VPS29: variants seen among roughly 807,000 people sequenced by gnomAD.
VPS29 encodes the protein vacuolar protein sorting-associated protein 29.
In VPS29, 2 loss-of-function variants were observed where a neutral mutation model predicts 20.0. The observed-to-expected ratio is 0.10, with a 90% CI of 0.04 to 0.31. VPS29 has a LOEUF of 0.31. Among genes scored for constraint, VPS29 ranks in the 10% least tolerant of loss-of-function variants. VPS29 has a pLI of 1.00. For synonymous variants in VPS29, 81 were observed against 79.3 expected (o/e 1.02, Z -0.12); for missense variants, 120 against 215.3 (o/e 0.56, Z 2.77).
Position 110,492,911 on chromosome 12 carries a change from T to C in VPS29, c.431+85A>G. ...CTGGTATTACAGGCATGAGCCACTG[T>C]GCCCAGCCACATTTCTTTTACGAAA... On this transcript the variant is annotated intron_variant, in intron 3 of 3. Coordinates refer to ENST00000549578, the MANE Select transcript of VPS29 (RefSeq NM_016226.5). The C allele has an allele frequency of 3.2e-6, 4 of 1,262,418 alleles. 1 individual carries two copies. Among genetic ancestry groups the C allele is most frequent in the Middle Eastern group, 1.9e-4 (1 of 5,224 alleles). The allele number at this position is 1,262,418 out of a possible 1,614,324, so 78.2% of individuals were successfully genotyped here.
At position 110,491,930 on chromosome 12, in the gene VPS29, G is replaced by T; in HGVS notation, c.*75C>A. 1 of 1,006,738 alleles carries T rather than the reference G, an allele frequency of 9.9e-7. No individual in the cohort carries two copies. The highest frequency in any genetic ancestry group is 1.5e-6 in the Non-Finnish European group (1 of 648,980). The allele number at this position is 1,006,738 out of a possible 1,614,324, so 62.4% of individuals were successfully genotyped here. Reference sequence around the variant, plus strand: ...ATTATAAAAGTGATACAATTTTGTGGCTCTTAAATGTTTAATTACTTGATT... The same window carrying T: ...ATTATAAAAGTGATACAATTTTGTGTCTCTTAAATGTTTAATTACTTGATT... On this transcript the variant is annotated 3_prime_UTR_variant, in exon 4 of 4. Coordinates refer to ENST00000549578, the MANE Select transcript of VPS29 (RefSeq NM_016226.5).
intron 1 of VPS29, 170 bp from the exon 2 acceptor site, chr12:110,496,373 C>T (rs531568528): frequency 1.4e-4 from 80 of 562,100 alleles, no homozygotes; most frequent in Middle Eastern, 9.9e-4. Context: ...TGAATCTGTA[C>T]GTATTTTTCT....
chr12:110,492,599 T>TTTTATTTATTTA (rs58647450), intron 3 of VPS29, among the ~76,000 whole-genome samples: 4,343 of 132,322 alleles, frequency 0.033, 104 homozygotes, highest in African/African-American at 0.041. Flanking sequence ...TTTATTTTTA[T>TTTTATTTATTTA]TTTATTTATT....
intron 2 of VPS29, 90 bp downstream of exon 2, chr12:110,495,922 C>T: frequency 8.2e-7 from 1 of 1,220,864 alleles, no homozygotes; most frequent in African/African-American, 1.5e-5. Flanking sequence ...AAAACCTTAC[C>T]AGTTGAGAAA....
At chr12:110,500,916 A>G (rs1239418404) in intron 1 of VPS29, among the ~76,000 whole-genome samples, 1 of 152,162 alleles carries the variant, frequency 6.6e-6, no homozygotes, top group Non-Finnish European at 1.5e-5. Flanking sequence ...GCGGTGGCTC[A>G]CGCCTGTAAC....
At chr12:110,498,903 T>C in intron 1 of VPS29, 1 of 904,502 alleles carries the variant, frequency 1.1e-6, no homozygotes, top group Non-Finnish European at 1.3e-6. Context: ...AATCTTGCTT[T>C]GAGAAAAAGG....
intron 3 of VPS29, 31 bp from the exon 4 acceptor site, chr12:110,492,153 T>C: frequency 4.6e-6 from 7 of 1,512,594 alleles, no homozygotes; most frequent in Non-Finnish European, 6.4e-6. Context: ...TGTCAGTGTT[T>C]TGTAGCACAA....
In VPS29 at chr12:110,491,807, T is replaced by A. The variant is rs1360985429; in HGVS notation, c.*198A>T. 1 of 534,988 alleles carries A rather than the reference T, an allele frequency of 1.9e-6. No homozygotes were observed. Among genetic ancestry groups the A allele is most frequent in the Non-Finnish European group, 3.3e-6 (1 of 304,744 alleles). The allele number at this position is 534,988 out of a possible 1,614,324, so 33.1% of individuals were successfully genotyped here. Reference sequence around the variant, plus strand: ...GTGTTGTGGACATTTTTTCATAGAATCCATATACTGTAAACTAAATATATT... The same window carrying A: ...GTGTTGTGGACATTTTTTCATAGAAACCATATACTGTAAACTAAATATATT... On this transcript the variant is annotated 3_prime_UTR_variant, in exon 4 of 4. Transcript: ENST00000549578.
intron 2 of VPS29, among the ~76,000 whole-genome samples, 159 bp from the exon 3 acceptor site, chr12:110,493,390 T>C (rs1310024040): frequency 2.0e-5 from 3 of 151,580 alleles, no homozygotes; most frequent in African/African-American, 7.3e-5. Flanking sequence ...GACAGAGTGT[T>C]GCTATGTTGC....
intron 2 of VPS29, among the ~76,000 whole-genome samples, chr12:110,495,714 AC>A (rs1212094695): frequency 6.6e-6 from 1 of 152,172 alleles, no homozygotes; most frequent in Non-Finnish European, 1.5e-5. Context: ...CTCAAAAAAA[AC>A]AAAAACAAAC....
At chr12:110,493,352 A>C in intron 2 of VPS29, 121 bp from the exon 3 acceptor site, 3 of 625,384 alleles carry the variant, frequency 4.8e-6, no homozygotes, top group Non-Finnish European at 7.2e-6. Flanking sequence ...CACAACACAC[A>C]CATTTATACA....
intron 1 of VPS29, chr12:110,496,639 T>G (rs1181293485): frequency 6.6e-6 from 1 of 152,508 alleles, no homozygotes; most frequent in African/African-American, 2.4e-5. Context: ...CCCTATAGAA[T>G]TTGGCATTTT....
chr12:110,501,541 G>C, intron 1 of VPS29: 2 of 1,535,390 alleles, frequency 1.3e-6, no homozygotes, highest in South Asian at 1.2e-5. Flanking sequence ...GAGCGAGGAG[G>C]GTGGTTTATT....
intron 1 of VPS29, chr12:110,499,440 A>G: frequency 6.5e-7 from 1 of 1,548,884 alleles, no homozygotes; most frequent in South Asian, 1.2e-5. Context: ...GAATTCGGTT[A>G]CTTCCTTTCA....
intron 1 of VPS29, chr12:110,501,514 G>A (rs2063042828): frequency 1.3e-6 from 2 of 1,535,346 alleles, no homozygotes; most frequent in Non-Finnish European, 1.7e-6. Context: ...CTCAATGGCA[G>A]CTAGATGTTA....
chr12:110,498,480 A>G (rs900117663), intron 1 of VPS29, among the ~76,000 whole-genome samples: 1 of 152,250 alleles, frequency 6.6e-6, no homozygotes, highest in African/African-American at 2.4e-5. Flanking sequence ...GTAAATGAAA[A>G]TTAATCAAAC....
intron 1 of VPS29, chr12:110,498,662 G>T (rs1262745717): frequency 1.1e-5 from 2 of 186,698 alleles, no homozygotes; most frequent in African/African-American, 2.4e-5. Flanking sequence ...CTTTAAAATT[G>T]TTAAGTAAGA....
intron 1 of VPS29, chr12:110,501,763 G>A (rs913981759): frequency 1.8e-6 from 2 of 1,082,780 alleles, no homozygotes; most frequent in Non-Finnish European, 1.4e-6. Context: ...TGGCTCGGGC[G>A]TGCGTGTCTC....
At chr12:110,499,701 T>C (rs779496509) in intron 1 of VPS29, among the ~76,000 whole-genome samples, 1 of 151,522 alleles carries the variant, frequency 6.6e-6, no homozygotes, top group Admixed American at 6.6e-5. Flanking sequence ...TAATGATTTC[T>C]GAGTGTTATG....
Sources: allele counts gnomAD v4.1 joint callset (sites outside exome capture counted in the v4.1 genomes callset), GRCh38; gene constraint gnomAD v4.1.1; transcripts MANE v1.5; gene names NCBI Gene and HGNC (gene_info 2026-07-23, HGNC 2026-07-21).